Variants in DSG2 observed in about 807,000 individuals in gnomAD.
The protein encoded by DSG2 is desmoglein 2, also known as desmoglein-2.
DSG2 carries 45 observed loss-of-function variants against 75.6 expected under a neutral mutation model. That is an observed-to-expected ratio of 0.60 (90% CI 0.47 to 0.76). DSG2 has a LOEUF of 0.76. Among genes scored for constraint, DSG2 ranks in the 30% least tolerant of loss-of-function variants. The pLI is 0.00. For missense variants in DSG2, 1,267 were observed against 1,357.4 expected (o/e 0.93, Z 1.05); for synonymous variants, 429 against 483.9 (o/e 0.89, Z 1.49).
chr18:31,516,137 TC>T (rs1386336978), intron 1 of DSG2, among the ~76,000 whole-genome samples: 1 of 151,604 alleles, frequency 6.6e-6, no homozygotes, highest in Non-Finnish European at 1.5e-5. Context: ...AAGAGAGGGA[TC>T]TGGTTTTTTT....
In DSG2 at chr18:31,538,925, G is replaced by T. The variant is rs754168863; in HGVS notation, c.1826G>T (p.Gly609Val). ...CREAQHDSYV[G>V]LGPAAIALMI... Reference sequence around the variant, plus strand: ...GAAGCACAGCATGACTCCTATGTGGGCCTGGGACCCGCAGCAATTGCGCTC... The same window carrying T: ...GAAGCACAGCATGACTCCTATGTGGTCCTGGGACCCGCAGCAATTGCGCTC... The change falls in exon 12 of 15, where the codon GGC becomes GTC. Residue 609 changes from glycine to valine, a missense_variant. Coordinates refer to ENST00000261590, the MANE Select transcript of DSG2 (RefSeq NM_001943.5). The T allele has an allele frequency of 5.6e-6, 9 of 1,613,966 alleles. No individual in the cohort carries two copies. The East Asian group carries it at 6.7e-5, about 12-fold the overall frequency.
chr18:31,533,279 G>T (rs141723625), intron 9 of DSG2, among the ~76,000 whole-genome samples: 1 of 152,082 alleles, frequency 6.6e-6, no homozygotes, highest in Non-Finnish European at 1.5e-5. Flanking sequence ...GACCAACCTG[G>T]GCAACACAGC....
intron 9 of DSG2, among the ~76,000 whole-genome samples, chr18:31,534,768 C>G (rs543871994): frequency 6.6e-6 from 1 of 152,322 alleles, no homozygotes; most frequent in Admixed American, 6.5e-5. Flanking sequence ...CCTCAGCCTC[C>G]CAATGTGCTG....
intron 1 of DSG2, among the ~76,000 whole-genome samples, chr18:31,509,951 T>C (rs1294682063): frequency 6.6e-6 from 1 of 152,256 alleles, no homozygotes; most frequent in Non-Finnish European, 1.5e-5. Flanking sequence ...CAGCCAAAGT[T>C]GAAAGCTCTT....
chr18:31,524,035 C>G (rs1241716272), intron 6 of DSG2, among the ~76,000 whole-genome samples: 1 of 152,222 alleles, frequency 6.6e-6, no homozygotes, highest in Non-Finnish European at 1.5e-5. Context: ...CTGGGGAATT[C>G]TGGACAAAGT....
At chr18:31,520,992 G>A in intron 4 of DSG2, 28 bp downstream of exon 4, 5 of 1,610,876 alleles carry the variant, frequency 3.1e-6, no homozygotes, top group Non-Finnish European at 3.4e-6. Context: ...AGATTTATTA[G>A]TTTGTAGTTT....
chr18:31,521,720 G>A (rs1029122180), intron 5 of DSG2, among the ~76,000 whole-genome samples: 10 of 152,182 alleles, frequency 6.6e-5, no homozygotes, highest in African/African-American at 2.4e-4. Flanking sequence ...TTTTGACCAT[G>A]ATGTAAGGAA....
rs578087599 is a variant in DSG2 at position 31,548,815 on chromosome 18, T to A, written c.*2072T>A. On this transcript the variant is annotated 3_prime_UTR_variant, in exon 15 of 15. Transcript: ENST00000261590. ...GAAGATTATATTTGTATATGTATCA[T>A]CATAAAATATTTAAATAAAAAGTAT... The A allele has an allele frequency of 1.2e-4, 18 of 152,354 alleles. No individual in the cohort carries two copies. Among genetic ancestry groups the A allele is most frequent in the African/African-American group, 4.3e-4 (18 of 41,576 alleles). 9.4% of individuals were successfully genotyped at this position (152,354 alleles called of 1,614,324 possible).
chr18:31,503,252 G>A (rs535790732), intron 1 of DSG2, among the ~76,000 whole-genome samples: 23 of 152,276 alleles, frequency 1.5e-4, no homozygotes, highest in African/African-American at 4.8e-4. Context: ...AATGGGTAAC[G>A]ATAAGAAGAG....
intron 11 of DSG2, among the ~76,000 whole-genome samples, chr18:31,537,617 T>C (rs1157747993): frequency 6.6e-6 from 1 of 150,766 alleles, no homozygotes; most frequent in East Asian, 1.9e-4. Context: ...AGACTCTGTC[T>C]CAAAAAAAAA....
chr18:31,538,483 C>CAGTT (rs2073245689), intron 11 of DSG2, among the ~76,000 whole-genome samples: 1 of 152,088 alleles, frequency 6.6e-6, no homozygotes, highest in South Asian at 2.1e-4. Context: ...GTGTATAGAA[C>CAGTT]AGTTCCTAGC....
At chr18:31,531,578 G>C (rs536032592) in intron 9 of DSG2, among the ~76,000 whole-genome samples, 2 of 152,210 alleles carry the variant, frequency 1.3e-5, no homozygotes, top group Non-Finnish European at 2.9e-5. Context: ...TTTCCTAAAA[G>C]ATTATTATTG....
chr18:31,502,942 AG>A (rs1414460457), intron 1 of DSG2, among the ~76,000 whole-genome samples: 1 of 152,244 alleles, frequency 6.6e-6, no homozygotes, highest in Non-Finnish European at 1.5e-5. Context: ...ATAAACATAT[AG>A]TCTACATATG....
At chr18:31,502,818 A>C (rs2073020745) in intron 1 of DSG2, among the ~76,000 whole-genome samples, 1 of 152,114 alleles carries the variant, frequency 6.6e-6, no homozygotes, top group Non-Finnish European at 1.5e-5. Context: ...GGAAGGAAGG[A>C]ACTTTAACTG....
intron 9 of DSG2, among the ~76,000 whole-genome samples, chr18:31,534,333 C>G (rs940471664): frequency 2.6e-5 from 4 of 152,032 alleles, no homozygotes; most frequent in Non-Finnish European, 4.4e-5. Flanking sequence ...TTGCCTTGCT[C>G]TCCCAGCATT....
chr18:31,529,876 A>G (rs2073183973), intron 8 of DSG2, among the ~76,000 whole-genome samples: 1 of 152,204 alleles, frequency 6.6e-6, no homozygotes, highest in South Asian at 2.1e-4. Flanking sequence ...TAATGTGTAT[A>G]AAAATGCTGA....
In DSG2 at chr18:31,536,435, C is replaced by T; in HGVS notation, c.1651+6C>T. 1 of 1,610,522 alleles carries T rather than the reference C, an allele frequency of 6.2e-7. No homozygotes were observed. The highest frequency in any genetic ancestry group is 8.5e-7 in the Non-Finnish European group (1 of 1,178,554). On this transcript the variant is annotated splice_donor_region_variant and intron_variant, in intron 11 of 14. Coordinates refer to ENST00000261590, the MANE Select transcript of DSG2 (RefSeq NM_001943.5). ...GAAAATAGCACGCCAAGAAAGTAAG[C>T]AAAATCACTGGACTACATAGAAATC...
chr18:31,534,745 A>G (rs1457452797), intron 9 of DSG2, among the ~76,000 whole-genome samples: 1 of 151,942 alleles, frequency 6.6e-6, no homozygotes, highest in African/African-American at 2.4e-5. Context: ...CCTGACCTTA[A>G]GTGATCCACC....
At chr18:31,516,305 AC>A (rs1357057279) in intron 1 of DSG2, among the ~76,000 whole-genome samples, 4 of 152,230 alleles carry the variant, frequency 2.6e-5, no homozygotes, top group Admixed American at 2.0e-4. Context: ...AATAAAGCAC[AC>A]AAACGATGGT....
Sources: gnomAD v4.1 joint callset for allele counts (sites outside exome capture counted in the v4.1 genomes callset) on GRCh38, gnomAD v4.1.1 for gene constraint, MANE v1.5 for transcripts, NCBI Gene and HGNC (gene_info 2026-07-23, HGNC 2026-07-21) for gene names.